Variants in CHCHD3 observed in about 807,000 individuals in gnomAD.
CHCHD3 encodes coiled-coil-helix-coiled-coil-helix domain containing 3.
In CHCHD3, 20 loss-of-function variants were observed where a neutral mutation model predicts 38.2. The observed-to-expected ratio is 0.52, with a 90% CI of 0.37 to 0.76. The LOEUF (loss-of-function observed/expected upper bound fraction) is 0.76. Among genes scored for constraint, CHCHD3 ranks in the 30% least tolerant of loss-of-function variants. The pLI is 0.00. For synonymous variants in CHCHD3, 82 were observed against 100.0 expected (o/e 0.82, Z 1.07); for missense variants, 245 against 279.2 (o/e 0.88, Z 0.87).
chr7:132,819,244 C>T (rs115163020), intron 6 of CHCHD3, among the ~76,000 whole-genome samples: 2,147 of 152,242 alleles, frequency 0.014, 51 homozygotes, highest in African/African-American at 0.048. Flanking sequence ...GTCTATAATT[C>T]TTAGTTTTTA....
At chr7:132,915,451 C>T (rs1406943767) in intron 4 of CHCHD3, among the ~76,000 whole-genome samples, 2 of 152,116 alleles carry the variant, frequency 1.3e-5, no homozygotes, top group African/African-American at 4.8e-5. Context: ...GAGCTGTTCC[C>T]CATATCCGTC....
At chr7:133,003,627 T>G (rs1812627935) in intron 3 of CHCHD3, among the ~76,000 whole-genome samples, 1 of 152,210 alleles carries the variant, frequency 6.6e-6, no homozygotes, top group African/African-American at 2.4e-5. Context: ...ACTATGACAA[T>G]GCATTGCAAT....
chr7:132,822,854 A>AC (rs201915923), intron 6 of CHCHD3, among the ~76,000 whole-genome samples: 1 of 151,394 alleles, frequency 6.6e-6, no homozygotes, highest in African/African-American at 2.4e-5. Context: ...ACAAAACAAA[A>AC]AACCAAAACC....
At chr7:132,808,594 C>T (rs1369288701) in intron 6 of CHCHD3, among the ~76,000 whole-genome samples, 1 of 152,200 alleles carries the variant, frequency 6.6e-6, no homozygotes, top group African/African-American at 2.4e-5. Context: ...CCTTCTAAGA[C>T]TCTAAGTATC....
chr7:133,045,658 C>T (rs891657631), intron 2 of CHCHD3, among the ~76,000 whole-genome samples: 4 of 152,112 alleles, frequency 2.6e-5, no homozygotes, highest in African/African-American at 4.8e-5. Flanking sequence ...TCCAGGATCT[C>T]GCAACATATG....
intron 4 of CHCHD3, among the ~76,000 whole-genome samples, chr7:132,921,982 A>G (rs1178831782): frequency 6.6e-6 from 1 of 152,264 alleles, no homozygotes; most frequent in Non-Finnish European, 1.5e-5. Flanking sequence ...TCACGGCTAG[A>G]AACAGTCCAT....
chr7:132,854,319 C>G lies in CHCHD3; in HGVS notation c.454-15850G>C, dbSNP rs1808293178. Reference sequence around the variant, plus strand: ...TTATTCATATAATGGAATGATAGGGCTGCTTAGACTTTGGTTTGTTTTTTC... The same window carrying G: ...TTATTCATATAATGGAATGATAGGGGTGCTTAGACTTTGGTTTGTTTTTTC... On this transcript the variant is annotated intron_variant, in intron 5 of 7. Coordinates refer to ENST00000262570, the MANE Select transcript of CHCHD3 (RefSeq NM_017812.4). Among the ~76,000 whole-genome samples the G allele has an allele frequency of 3.9e-5, 6 of 152,188 alleles. No homozygotes were observed. In the South Asian group the frequency reaches 1.2e-3, roughly 32 times the overall value.
At chr7:132,911,319 C>G (rs937143422) in intron 4 of CHCHD3, among the ~76,000 whole-genome samples, 8 of 152,102 alleles carry the variant, frequency 5.3e-5, no homozygotes, top group Non-Finnish European at 1.2e-4. Context: ...AGAAGCAACC[C>G]GAGAACATCA....
chr7:132,900,460 C>T (rs1390926157), intron 4 of CHCHD3, among the ~76,000 whole-genome samples: 1 of 152,154 alleles, frequency 6.6e-6, no homozygotes, highest in Non-Finnish European at 1.5e-5. Flanking sequence ...ACAGAGTGAG[C>T]ATCTTTTCCC....
intron 3 of CHCHD3, among the ~76,000 whole-genome samples, chr7:132,984,298 CG>C (rs1253754881): frequency 1.3e-5 from 2 of 151,718 alleles, no homozygotes; most frequent in African/African-American, 2.4e-5. Flanking sequence ...CTCCTAACCG[CG>C]AGTGATCCGC....
chr7:132,917,813 C>A (rs1482250128), intron 4 of CHCHD3, among the ~76,000 whole-genome samples: 1 of 140,372 alleles, frequency 7.1e-6, no homozygotes, highest in Admixed American at 7.5e-5. Flanking sequence ...GAGCAAAGAT[C>A]GCGCCACTGC....
intron 3 of CHCHD3, among the ~76,000 whole-genome samples, chr7:133,021,828 T>C (rs1813185837): frequency 6.6e-6 from 1 of 152,182 alleles, no homozygotes; most frequent in Non-Finnish European, 1.5e-5. Context: ...GGCTCATGCC[T>C]GTAATCCCAG....
At chr7:132,933,808 G>A (rs961455234) in intron 4 of CHCHD3, among the ~76,000 whole-genome samples, 1 of 150,034 alleles carries the variant, frequency 6.7e-6, no homozygotes, top group African/African-American at 2.5e-5. Context: ...TGTCTGAGCA[G>A]AAGAAGAGAC....
chr7:132,973,874 A>G, intron 4 of CHCHD3: 1 of 1,174,502 alleles, frequency 8.5e-7, no homozygotes, highest in Non-Finnish European at 1.1e-6. Flanking sequence ...TCTCCATTCC[A>G]TGGTCCCATT....
intron 4 of CHCHD3, among the ~76,000 whole-genome samples, chr7:132,956,370 T>C (rs1811167314): frequency 6.6e-6 from 1 of 152,230 alleles, no homozygotes; most frequent in African/African-American, 2.4e-5. Flanking sequence ...ATGCCTAGCA[T>C]ATAGTAGGCC....
intron 1 of CHCHD3, among the ~76,000 whole-genome samples, chr7:133,072,185 A>G (rs1392589564): frequency 2.0e-5 from 3 of 148,718 alleles, no homozygotes; most frequent in African/African-American, 7.5e-5. Flanking sequence ...AAAAAAAAAA[A>G]GTGTTGGAAT....
At chr7:132,807,326 A>G (rs1020690017) in intron 6 of CHCHD3, among the ~76,000 whole-genome samples, 2 of 152,098 alleles carry the variant, frequency 1.3e-5, no homozygotes, top group Non-Finnish European at 2.9e-5. Context: ...TACAGCATCT[A>G]ATTTTACATA....
chr7:132,972,442 C>T (rs546126925), intron 4 of CHCHD3: 1 of 443,146 alleles, frequency 2.3e-6, no homozygotes, highest in African/African-American at 2.1e-5. Context: ...ACACAACAAA[C>T]CAAAATGTTA....
intron 7 of CHCHD3, among the ~76,000 whole-genome samples, chr7:132,791,275 C>T (rs1199505220): frequency 6.6e-6 from 1 of 152,082 alleles, no homozygotes; most frequent in African/African-American, 2.4e-5. Flanking sequence ...TGATGCTCAC[C>T]CACATCTGAG....
Sources: allele counts gnomAD v4.1 joint callset (sites outside exome capture counted in the v4.1 genomes callset), GRCh38; gene constraint gnomAD v4.1.1; transcripts MANE v1.5; gene names NCBI Gene and HGNC (gene_info 2026-07-23, HGNC 2026-07-21).